Variants in RASGRF2 observed in about 807,000 individuals in gnomAD.
RASGRF2 encodes the protein ras-specific guanine nucleotide-releasing factor 2.
A neutral mutation model predicts 151.0 loss-of-function variants in RASGRF2; 76 were observed. That is an observed-to-expected ratio of 0.50 (90% confidence interval 0.42 to 0.61). The LOEUF (loss-of-function observed/expected upper bound fraction) is 0.61. Among genes scored for constraint, RASGRF2 ranks in the 20% least tolerant of loss-of-function variants. The pLI, the probability that RASGRF2 is intolerant of heterozygous loss-of-function variation, is 0.00. For missense variants in RASGRF2, 1,148 were observed against 1,564.6 expected (o/e 0.73, Z 4.49); for synonymous variants, 504 against 566.5 (o/e 0.89, Z 1.57).
At chr5:81,170,162 C>T (rs550639422) in intron 17 of RASGRF2, among the ~76,000 whole-genome samples, 39 of 152,262 alleles carry the variant, frequency 2.6e-4, no homozygotes, top group Admixed American at 7.8e-4. Context: ...ACCTGCATCA[C>T]TTGCAGCACC....
chr5:81,150,997 T>C (rs1754120722), intron 17 of RASGRF2, among the ~76,000 whole-genome samples: 1 of 152,188 alleles, frequency 6.6e-6, no homozygotes, highest in Admixed American at 6.5e-5. Context: ...GTCTGAGAAA[T>C]GTTAGTGTAG....
At chr5:81,067,055 T>C (rs1398138309) in intron 2 of RASGRF2, among the ~76,000 whole-genome samples, 1 of 152,218 alleles carries the variant, frequency 6.6e-6, no homozygotes, top group Non-Finnish European at 1.5e-5. Flanking sequence ...TACCTTAATT[T>C]GAATCCCAGC....
intron 2 of RASGRF2, among the ~76,000 whole-genome samples, chr5:81,053,428 A>T (rs1751087339): frequency 6.6e-6 from 1 of 151,884 alleles, no homozygotes; most frequent in Non-Finnish European, 1.5e-5. Flanking sequence ...TTCCAGCTTC[A>T]TCCATGTCCC....
chr5:80,981,213 T>C (rs1203828510), intron 1 of RASGRF2, among the ~76,000 whole-genome samples: 17 of 152,348 alleles, frequency 1.1e-4, no homozygotes, highest in Non-Finnish European at 4.4e-5. Context: ...ATTGCCTAAT[T>C]GATACCACAG....
At chr5:81,166,350 G>A (rs1192389200) in intron 17 of RASGRF2, among the ~76,000 whole-genome samples, 1 of 151,902 alleles carries the variant, frequency 6.6e-6, no homozygotes, top group Non-Finnish European at 1.5e-5. Flanking sequence ...ACGACACCTG[G>A]CTAATTTTTG....
intron 18 of RASGRF2, among the ~76,000 whole-genome samples, chr5:81,194,778 T>C (rs886752773): frequency 1.3e-5 from 2 of 152,186 alleles, no homozygotes; most frequent in African/African-American, 4.8e-5. Context: ...TCCTCAAGCC[T>C]CTCTTGGTTT....
At chr5:80,969,815 C>CTTTTTTTTTTTTTT (rs10584906) in intron 1 of RASGRF2, among the ~76,000 whole-genome samples, 6 of 76,940 alleles carry the variant, frequency 7.8e-5, no homozygotes, top group African/African-American at 2.7e-4. Flanking sequence ...ACTTCTTCTT[C>CTTTTTTTTTTTTTT]TTTTTTTTTT....
intron 1 of RASGRF2, among the ~76,000 whole-genome samples, chr5:81,000,228 C>A (rs1749034670): frequency 6.6e-6 from 1 of 152,198 alleles, no homozygotes; most frequent in Non-Finnish European, 1.5e-5. Flanking sequence ...ACCACATATC[C>A]ATGCTTTCCT....
intron 18 of RASGRF2, among the ~76,000 whole-genome samples, chr5:81,184,361 G>A (rs779149548): frequency 2.5e-4 from 38 of 152,278 alleles, no homozygotes; most frequent in Admixed American, 5.2e-4. Flanking sequence ...TGTCCTCTGC[G>A]CGCAGACAGA....
chr5:81,018,988 T>G (rs1749737293), intron 1 of RASGRF2, among the ~76,000 whole-genome samples: 1 of 150,798 alleles, frequency 6.6e-6, no homozygotes, highest in South Asian at 2.1e-4. Context: ...TTGGTAGAGA[T>G]AGGGTTTCGC....
At chr5:81,204,157 A>T (rs1479937554) in intron 19 of RASGRF2, 1 of 152,208 alleles carries the variant, frequency 6.6e-6, no homozygotes, top group South Asian at 2.1e-4. Context: ...CGTGGTAGTG[A>T]TGGTGGTGGG....
chr5:81,031,630 T>G (rs1750251859), intron 1 of RASGRF2, among the ~76,000 whole-genome samples: 1 of 152,104 alleles, frequency 6.6e-6, no homozygotes. Context: ...TACCCAAATC[T>G]CTGGGACACA....
intron 18 of RASGRF2, among the ~76,000 whole-genome samples, chr5:81,201,092 G>T (rs1037895376): frequency 4.6e-5 from 7 of 152,090 alleles, no homozygotes; most frequent in Non-Finnish European, 8.8e-5. Flanking sequence ...TCTCAACACT[G>T]ACTGCACATT....
At chr5:81,156,868 G>A (rs1197572826) in intron 17 of RASGRF2, among the ~76,000 whole-genome samples, 2 of 152,042 alleles carry the variant, frequency 1.3e-5, no homozygotes, top group African/African-American at 4.8e-5. Flanking sequence ...TTAGAAAAGA[G>A]GAAGTAAAAC....
chr5:80,985,945 ATG>A (rs749104439), intron 1 of RASGRF2, among the ~76,000 whole-genome samples: 2 of 141,546 alleles, frequency 1.4e-5, no homozygotes, highest in African/African-American at 5.0e-5. Context: ...GTGTGTGTGT[ATG>A]TGTGTGTAAG....
At chr5:81,128,640 C>T (rs1046953120) in intron 17 of RASGRF2, among the ~76,000 whole-genome samples, 6 of 152,068 alleles carry the variant, frequency 3.9e-5, no homozygotes, top group Non-Finnish European at 7.4e-5. Flanking sequence ...TGCGGGGAGC[C>T]GAGCGGTGCA....
At chr5:81,184,106 G>A (rs1019565324) in intron 18 of RASGRF2, among the ~76,000 whole-genome samples, 7 of 152,206 alleles carry the variant, frequency 4.6e-5, no homozygotes, top group African/African-American at 1.7e-4. Flanking sequence ...ATTCTCTCCT[G>A]GAGGTCATTT....
chr5:81,068,143 A>G lies in RASGRF2; in HGVS notation c.507A>G (p.Glu169=). The G allele has an allele frequency of 4.3e-6, 7 of 1,613,162 alleles. No individual in the cohort carries two copies. The highest frequency in any genetic ancestry group is 5.9e-6 in the Non-Finnish European group (7 of 1,179,438). Residue 169 remains glutamate (E), a synonymous_variant, in exon 3 of 27, where the codon GAA becomes GAG. Transcript: ENST00000265080. ...IAANQLRHQL[E]DQDTEIERLK... ...CTAACCAACTCCGACATCAACTTGAAGATCAAGACACAGAAATCGAAAGGC... is the reference window on the plus strand; with the variant it reads ...CTAACCAACTCCGACATCAACTTGAGGATCAAGACACAGAAATCGAAAGGC...
At chr5:80,973,921 C>T (rs572597777) in intron 1 of RASGRF2, among the ~76,000 whole-genome samples, 4 of 152,166 alleles carry the variant, frequency 2.6e-5, no homozygotes, top group East Asian at 1.9e-4. Context: ...AGTAATAATC[C>T]GAAAAGGTAT....
Sources: gnomAD v4.1 joint callset for allele counts (sites outside exome capture counted in the v4.1 genomes callset) on GRCh38, gnomAD v4.1.1 for gene constraint, MANE v1.5 for transcripts, NCBI Gene and HGNC (gene_info 2026-07-23, HGNC 2026-07-21) for gene names.